The following ARID3A variants were observed in gnomAD, a reference collection of about 807,000 sequenced individuals.
ARID3A encodes the protein AT-rich interactive domain-containing protein 3A.
ARID3A carries 11 observed loss-of-function variants against 52.7 expected under a neutral mutation model. That is an observed-to-expected ratio of 0.21 (90% CI 0.13 to 0.35). ARID3A has a LOEUF of 0.35. ARID3A is among the 10% of genes least tolerant of loss of function. The pLI, the probability that ARID3A is intolerant of heterozygous loss-of-function variation, is 1.00. For synonymous variants in ARID3A, 404 were observed against 359.4 expected (o/e 1.12, Z -1.40); for missense variants, 721 against 838.5 (o/e 0.86, Z 1.73).
At chr19:954,656 T>A (rs2037876683) in intron 3 of ARID3A, among the ~76,000 whole-genome samples, 1 of 151,182 alleles carries the variant, frequency 6.6e-6, no homozygotes, top group Non-Finnish European at 1.5e-5. Context: ...CGGTGGTCGG[T>A]AAAGGTGGGT....
chr19:927,741 C>T (rs1374243239), intron 1 of ARID3A, among the ~76,000 whole-genome samples: 1 of 152,110 alleles, frequency 6.6e-6, no homozygotes, highest in Non-Finnish European at 1.5e-5. Context: ...TGGGTGCCGC[C>T]CTGGTGGCCT....
chr19:970,297 AGC>A (rs1357291532), intron 8 of ARID3A, among the ~76,000 whole-genome samples: 1 of 151,914 alleles, frequency 6.6e-6, no homozygotes, highest in African/African-American at 2.4e-5. Flanking sequence ...TGTGCAATGG[AGC>A]AAGACTTCGT....
In ARID3A at chr19:945,086, G is replaced by A. The variant is rs367673872; in HGVS notation, c.693+12344G>A. 4.1e-4 allele frequency among the ~76,000 whole-genome samples: 63 copies of A among 152,292 alleles called. No individual in the cohort carries two copies. In the East Asian group the frequency reaches 0.01, roughly 24 times the overall value. Reference sequence around the variant, plus strand: ...GTTGGCCACATGCCCATCTCGTGGGGGCCCTTGGACCTGGTTCTTGGGGAA... The same window carrying A: ...GTTGGCCACATGCCCATCTCGTGGGAGCCCTTGGACCTGGTTCTTGGGGAA... On this transcript the variant is annotated intron_variant, in intron 3 of 8. Coordinates refer to ENST00000263620, the MANE Select transcript of ARID3A (RefSeq NM_005224.3).
At chr19:930,501 A>G (rs979848961) in intron 2 of ARID3A, among the ~76,000 whole-genome samples, 1 of 149,064 alleles carries the variant, frequency 6.7e-6, no homozygotes, top group African/African-American at 2.5e-5. Flanking sequence ...GCAGTGAGCC[A>G]AGAATGTGGG....
rs1460369768 is a variant in ARID3A, at chr19:929,411, G to A, written c.-118G>A. 2.3e-5 allele frequency: 20 copies of A among 859,532 alleles called. No homozygotes were observed. The highest frequency in any genetic ancestry group is 6.1e-5 in the African/African-American group (3 of 49,576). 53.2% of individuals were successfully genotyped at this position (859,532 alleles called of 1,614,324 possible). ...CCCTGCACTGCCCCGGCTCCCCCGC[G>A]GCCCCCACGCTGCAGTGCGGCCGGG... On this transcript the variant is annotated 5_prime_UTR_variant, in exon 2 of 9. Transcript: ENST00000263620. This position sits in a 1 kb window ranked among gnomAD's most constrained non-coding sequence, Gnocchi z 6.2.
chr19:927,487 A>C (rs571561754), intron 1 of ARID3A, among the ~76,000 whole-genome samples: 1 of 151,926 alleles, frequency 6.6e-6, no homozygotes, highest in African/African-American at 2.4e-5. Flanking sequence ...CGGAAGGGTC[A>C]TTAAACCCAG....
chr19:930,511 GTTTTT>G (rs79154229), intron 2 of ARID3A, among the ~76,000 whole-genome samples: 2 of 134,868 alleles, frequency 1.5e-5, no homozygotes, highest in African/African-American at 5.5e-5. Flanking sequence ...AAGAATGTGG[GTTTTT>G]TTTTTTTTTT....
In ARID3A at chr19:960,356, G is replaced by C. The variant is rs2038014663; in HGVS notation, c.766+192G>C. Among the ~76,000 whole-genome samples the C allele has an allele frequency of 2.0e-5, 3 of 152,140 alleles. No individual in the cohort carries two copies. Among genetic ancestry groups the C allele is most frequent in the Admixed American group, 6.5e-5 (1 of 15,268 alleles). ...CATCCTGCCATGGAGGTTTGACGCG[G>C]GAGGCACGCCTGTGAGTCTAAGGGG... is the stretch of plus-strand genomic sequence containing the variant. On this transcript the variant is annotated intron_variant, in intron 4 of 8. Transcript: ENST00000263620. This position sits in a 1 kb window ranked among gnomAD's most constrained non-coding sequence, Gnocchi z 4.3.
intron 3 of ARID3A, among the ~76,000 whole-genome samples, chr19:949,383 C>T (rs2037757434): frequency 6.6e-6 from 1 of 151,896 alleles, no homozygotes; most frequent in African/African-American, 2.4e-5. Context: ...GCAGGATCAT[C>T]AGGCCTCCGG....
Position 929,490 on chromosome 19 carries a change from G to GGTA in ARID3A, c.-37_-36insAGT. On this transcript the variant is annotated 5_prime_UTR_variant, in exon 2 of 9. Transcript: ENST00000263620. This position sits in a 1 kb window ranked among gnomAD's most constrained non-coding sequence, Gnocchi z 6.2. ...GCCCACCCCTAGCGCCCGTGGTGGT[G>GGTA]GTGGTGGTGGTGGTGGTGGTGGCCC... The GGTA allele has an allele frequency of 6.7e-7, 1 of 1,489,438 alleles. No homozygotes were observed. Among genetic ancestry groups the GGTA allele is most frequent in the East Asian group, 2.8e-5 (1 of 35,904 alleles). The allele number at this position is 1,489,438 out of a possible 1,614,324, so 92.3% of individuals were successfully genotyped here.
chr19:953,446 G>A (rs931837331), intron 3 of ARID3A, among the ~76,000 whole-genome samples: 3 of 151,574 alleles, frequency 2.0e-5, no homozygotes, highest in Non-Finnish European at 2.9e-5. Context: ...AGGTGGGGGC[G>A]GCACCTCCCA....
chr19:934,605 G>A (rs1013810010), intron 3 of ARID3A, among the ~76,000 whole-genome samples: 2 of 152,210 alleles, frequency 1.3e-5, no homozygotes, highest in African/African-American at 4.8e-5. Flanking sequence ...CCCCCTGGGT[G>A]TACCGGGCAG....
intron 8 of ARID3A, 73 bp downstream of exon 8, chr19:968,576 C>G (rs529223975): frequency 7.0e-7 from 1 of 1,420,402 alleles, no homozygotes; most frequent in African/African-American, 1.4e-5. Context: ...CCCTGAGTTG[C>G]GCCTGGTCCC....
chr19:970,036 C>T (rs112024428), intron 8 of ARID3A, among the ~76,000 whole-genome samples: 13,644 of 151,882 alleles, frequency 0.09, 711 homozygotes, highest in South Asian at 0.27. Context: ...AAAAAGTTGC[C>T]GGGCACAGTA....
At chr19:952,816 G>T (rs2037829961) in intron 3 of ARID3A, among the ~76,000 whole-genome samples, 1 of 152,114 alleles carries the variant, frequency 6.6e-6, no homozygotes, top group Non-Finnish European at 1.5e-5. Flanking sequence ...TTACAGCCTG[G>T]GCCTCTGGGC....
At chr19:949,237 CCTCCCAGCGG>C (rs2037753382) in intron 3 of ARID3A, among the ~76,000 whole-genome samples, 1 of 152,176 alleles carries the variant, frequency 6.6e-6, no homozygotes, top group Non-Finnish European at 1.5e-5. Flanking sequence ...CCTGCCCACC[CCTCCCAGCGG>C]CGGCGTGGGT....
At chr19:930,381 A>G (rs2037295170) in intron 2 of ARID3A, among the ~76,000 whole-genome samples, 1 of 150,318 alleles carries the variant, frequency 6.7e-6, no homozygotes, top group Non-Finnish European at 1.5e-5. Flanking sequence ...GCGAAACCCC[A>G]TCTCTACTAA....
At chr19:940,699 C>G (rs1232650862) in intron 3 of ARID3A, among the ~76,000 whole-genome samples, 3 of 152,184 alleles carry the variant, frequency 2.0e-5, no homozygotes, top group Non-Finnish European at 4.4e-5. Context: ...GTGTTTGAGA[C>G]AGAGTGTGTT....
At chr19:970,722 C>T (rs2145476197) in intron 8 of ARID3A, among the ~76,000 whole-genome samples, 1 of 152,068 alleles carries the variant, frequency 6.6e-6, no homozygotes, top group East Asian at 1.9e-4. Context: ...ATCTGCTGGT[C>T]TTGGCCTCCC....
Sources: allele counts gnomAD v4.1 joint callset (sites outside exome capture counted in the v4.1 genomes callset), GRCh38; gene constraint gnomAD v4.1.1; non-coding constraint Gnocchi (gnomAD v3.1); transcripts MANE v1.5; gene names NCBI Gene and HGNC (gene_info 2026-07-23, HGNC 2026-07-21).